The following RFFL variants were observed in gnomAD, a reference collection of about 807,000 sequenced individuals.
RFFL encodes ring finger and FYVE like domain containing E3 ubiquitin protein ligase, also known as E3 ubiquitin-protein ligase rififylin.
A neutral mutation model predicts 40.4 loss-of-function variants in RFFL; 16 were observed. The ratio of observed to expected loss-of-function variants is 0.40; its 90% CI spans 0.27 to 0.60. The LOEUF is 0.60. RFFL is among the 20% of genes least tolerant of loss of function. The pLI is 0.47. For missense variants in RFFL, 367 were observed against 451.7 expected, an observed-to-expected ratio of 0.81 and a Z score of 1.70; for synonymous variants, 154 against 167.9, an observed-to-expected ratio of 0.92 and a Z score of 0.64.
At chr17:35,044,967 G>C (rs899507715) in intron 1 of RFFL, among the ~76,000 whole-genome samples, 2 of 151,910 alleles carry the variant, frequency 1.3e-5, no homozygotes, top group African/African-American at 4.8e-5. Context: ...GATCTCCCAG[G>C]CTCAAGTGAT....
intron 1 of RFFL, among the ~76,000 whole-genome samples, chr17:35,031,426 A>G (rs373617611): frequency 1.1e-3 from 164 of 152,062 alleles, no homozygotes; most frequent in Non-Finnish European, 1.6e-3. Context: ...ACTTCTGTTA[A>G]ACTCTCTACT....
intron 1 of RFFL, among the ~76,000 whole-genome samples, chr17:35,027,963 G>A (rs1201924596): frequency 1.3e-5 from 2 of 150,628 alleles, no homozygotes; most frequent in Admixed American, 1.3e-4. Flanking sequence ...AACTCATGAG[G>A]CAGAGATTGC....
intron 3 of RFFL, among the ~76,000 whole-genome samples, chr17:35,020,543 G>A (rs571726833): frequency 3.6e-4 from 55 of 151,700 alleles, no homozygotes; most frequent in Admixed American, 7.9e-4. Context: ...TGGAAAAATT[G>A]TCTTCCACAA....
intron 1 of RFFL, among the ~76,000 whole-genome samples, chr17:35,053,157 A>G (rs181065045): frequency 6.6e-6 from 1 of 152,352 alleles, no homozygotes; most frequent in African/African-American, 2.4e-5. Context: ...TTGATGGACT[A>G]GGAGCTGGAA....
chr17:35,064,629 T>G (rs2091311382), upstream of RFFL, among the ~76,000 whole-genome samples: 1 of 152,052 alleles, frequency 6.6e-6, no homozygotes, highest in African/African-American at 2.4e-5. Context: ...TCCTATTAGA[T>G]CCTTCTGTTT....
At chr17:35,020,434 T>C (rs1259435681) in intron 3 of RFFL, among the ~76,000 whole-genome samples, 2 of 150,264 alleles carry the variant, frequency 1.3e-5, no homozygotes, top group African/African-American at 4.9e-5. Context: ...GAACTGCGCA[T>C]GCGAGGGATC....
intron 1 of RFFL, among the ~76,000 whole-genome samples, chr17:35,054,016 G>A (rs1416157147): frequency 2.0e-5 from 3 of 152,036 alleles, no homozygotes; most frequent in Admixed American, 6.6e-5. Flanking sequence ...CTAGACTGAC[G>A]ACACAGTGAC....
intron 2 of RFFL, 124 bp from the exon 3 acceptor site, chr17:35,021,905 G>A: frequency 1.1e-6 from 1 of 936,846 alleles, no homozygotes; most frequent in South Asian, 1.6e-5. Flanking sequence ...CTTTTACTAA[G>A]CTCTCTCATA....
intron 1 of RFFL, among the ~76,000 whole-genome samples, chr17:35,046,137 G>A (rs1259732701): frequency 6.6e-6 from 1 of 151,778 alleles, no homozygotes; most frequent in Non-Finnish European, 1.5e-5. Flanking sequence ...AAAGACTGAA[G>A]AGAATTTCTT....
chr17:35,074,768 T>C (rs985166105), intron 1 of RFFL, among the ~76,000 whole-genome samples: 1 of 152,196 alleles, frequency 6.6e-6, no homozygotes, highest in Non-Finnish European at 1.5e-5. Flanking sequence ...AAGTATCACA[T>C]AGCAAAAGAA....
At chr17:35,031,286 T>C (rs1042869844) in intron 1 of RFFL, among the ~76,000 whole-genome samples, 1 of 151,978 alleles carries the variant, frequency 6.6e-6, no homozygotes, top group South Asian at 2.1e-4. Context: ...TTTGTATTTT[T>C]AGTAGAGATG....
intron 1 of RFFL, among the ~76,000 whole-genome samples, chr17:35,058,170 A>T (rs764788967): frequency 1.4e-4 from 22 of 151,996 alleles, no homozygotes; most frequent in Non-Finnish European, 3.1e-4. Context: ...GAGAGATGAG[A>T]TCTATCTCAA....
upstream of RFFL, among the ~76,000 whole-genome samples, chr17:35,068,000 T>G (rs1190279238): frequency 6.6e-6 from 1 of 152,202 alleles, no homozygotes; most frequent in Non-Finnish European, 1.5e-5. Context: ...CAGAGACAAT[T>G]ATCCTAACTA....
rs1033930967 is a variant in RFFL at position 35,010,041 on chromosome 17, T to C, written c.*1927A>G. On this transcript the variant is annotated 3_prime_UTR_variant, in exon 7 of 7. Transcript: ENST00000394597. ...TTCAGAATCAAATCATCCAGGACTT[T>C]GTATAACATTGAGGTAAGTGGCCCA... 6.5e-6 allele frequency: 1 copy of C among 152,674 alleles called. No individual in the cohort carries two copies. Among genetic ancestry groups the C allele is most frequent in the African/African-American group, 2.4e-5 (1 of 41,460 alleles). 9.5% of individuals were successfully genotyped at this position (152,674 alleles called of 1,614,324 possible).
rs774182921 is a variant in RFFL, at chr17:35,010,445, C to CT, written c.*1522dup. ...TCACCTACTCATTGCATGGTCCTTC[C>CT]TAAAGAGCCTAGAAAATGGTTTCTC... is the stretch of plus-strand genomic sequence containing the variant. On this transcript the variant is annotated 3_prime_UTR_variant, in exon 7 of 7. Coordinates refer to ENST00000394597, the MANE Select transcript of RFFL (RefSeq NM_001017368.2). 2.6e-5 allele frequency: 4 copies of CT among 152,168 alleles called. No individual in the cohort carries two copies. Among genetic ancestry groups the CT allele is most frequent in the Admixed American group, 1.3e-4 (2 of 15,286 alleles). The allele number at this position is 152,168 out of a possible 1,614,324, so 9.4% of individuals were successfully genotyped here. A position where few individuals can be genotyped will look rare whatever the true frequency, so the allele number is the denominator to read the frequency against.
Position 35,011,822 on chromosome 17 carries a change from CAG to C in RFFL, c.*144_*145del. 2 of 737,274 alleles carry C rather than the reference CAG, an allele frequency of 2.7e-6. No homozygotes were observed. Among genetic ancestry groups the C allele is most frequent in the Non-Finnish European group, 4.5e-6 (2 of 443,504 alleles). The allele number at this position is 737,274 out of a possible 1,614,324, so 45.7% of individuals were successfully genotyped here. ...ACACCCCTGGGAAGACAGGCATGCT[CAG>C]GGGTGACATGGCATCTTGCTTGACC... On this transcript the variant is annotated 3_prime_UTR_variant, in exon 7 of 7. Coordinates refer to ENST00000394597, the MANE Select transcript of RFFL (RefSeq NM_001017368.2).
intron 2 of RFFL, among the ~76,000 whole-genome samples, chr17:35,025,855 A>G (rs1217533268): frequency 1.3e-5 from 2 of 152,244 alleles, no homozygotes; most frequent in Admixed American, 1.3e-4. Flanking sequence ...AATCTGCTAC[A>G]GTAAATAAGC....
At chr17:35,040,773 C>T (rs2091158888) in intron 1 of RFFL, among the ~76,000 whole-genome samples, 2 of 150,514 alleles carry the variant, frequency 1.3e-5, no homozygotes, top group Non-Finnish European at 1.5e-5. Context: ...TTCCTTCTGC[C>T]TGGATTGGTC....
intron 1 of RFFL, among the ~76,000 whole-genome samples, chr17:35,055,178 A>G (rs1209932265): frequency 3.3e-5 from 5 of 151,546 alleles, no homozygotes; most frequent in East Asian, 2.0e-4. Flanking sequence ...TCGGCCTCCC[A>G]AAGTGCTGGG....
Sources: gnomAD v4.1 joint callset for allele counts (sites outside exome capture counted in the v4.1 genomes callset) on GRCh38, gnomAD v4.1.1 for gene constraint, MANE v1.5 for transcripts, NCBI Gene and HGNC (gene_info 2026-07-23, HGNC 2026-07-21) for gene names.